Variants in SKIC3 observed in about 807,000 individuals in gnomAD.
SKIC3 encodes the protein superkiller complex protein 3.
At chr5:95,512,602 C>T in the SKIC3 span, 4 of 1,613,944 alleles carry the variant, frequency 2.5e-6, no homozygotes, top group East Asian at 2.2e-5. Flanking sequence ...ATACGCATAA[C>T]CTAATGCTCC....
At chr5:95,495,587 C>A in the SKIC3 span, 1 of 152,986 alleles carries the variant, frequency 6.5e-6, no homozygotes, top group African/African-American at 2.4e-5. Context: ...ATAGCTGACA[C>A]ATAATAAAGC....
chr5:95,527,964 G>C, the SKIC3 span: 5 of 1,608,784 alleles, frequency 3.1e-6, no homozygotes. Context: ...TTGTTGCCTG[G>C]TTGATTGGAA....
chr5:95,513,147 G>T, the SKIC3 span: 2 of 185,084 alleles, frequency 1.1e-5, no homozygotes, highest in African/African-American at 4.8e-5. Flanking sequence ...CTGTTTCTAA[G>T]AAAGAATAAA....
chr5:95,464,716 T>C, the SKIC3 span: 1 of 1,557,546 alleles, frequency 6.4e-7, no homozygotes. Flanking sequence ...GTCAGTATTT[T>C]GTTTATTAAC....
At chr5:95,511,291 C>T in the SKIC3 span, among the ~76,000 whole-genome samples, 6 of 152,150 alleles carry the variant, frequency 3.9e-5, no homozygotes, top group African/African-American at 9.7e-5. Context: ...ACACCTGTAA[C>T]GCCTACCTGC....
the SKIC3 span, among the ~76,000 whole-genome samples, chr5:95,500,717 T>C: frequency 6.6e-6 from 1 of 152,180 alleles, no homozygotes; most frequent in Non-Finnish European, 1.5e-5. Context: ...ATATCTGATG[T>C]TTTGTAGATG....
the SKIC3 span, chr5:95,464,332 A>G: frequency 2.6e-6 from 1 of 388,670 alleles, no homozygotes; most frequent in Middle Eastern, 8.1e-4. Context: ...AGATGCAGAA[A>G]ATAATGGTTT....
the SKIC3 span, among the ~76,000 whole-genome samples, chr5:95,481,793 G>A: frequency 5.5e-3 from 840 of 151,798 alleles, 10 homozygotes; most frequent in African/African-American, 0.019. Context: ...TCTAAAGCAG[G>A]GATATAAAAA....
At chr5:95,467,798 A>G in the SKIC3 span, 1 of 1,594,058 alleles carries the variant, frequency 6.3e-7, no homozygotes, top group Admixed American at 1.7e-5. Flanking sequence ...TAAAACCCTT[A>G]GATCAAAGAT....
chr5:95,514,802 G>T, the SKIC3 span: 1 of 1,565,794 alleles, frequency 6.4e-7, no homozygotes, highest in African/African-American at 1.4e-5. Context: ...ATGCATATTA[G>T]TCAGTTATTG....
chr5:95,532,914 A>C, the SKIC3 span, among the ~76,000 whole-genome samples: 1,233 of 152,192 alleles, frequency 8.1e-3, 15 homozygotes, highest in African/African-American at 0.029. Context: ...CTGACATCCC[A>C]AAAAAAGCTG....
the SKIC3 span, chr5:95,537,068 C>T: frequency 6.2e-7 from 1 of 1,613,498 alleles, no homozygotes; most frequent in Non-Finnish European, 8.5e-7. Context: ...AATGAAATGC[C>T]TATAAAGTAC....
At chr5:95,523,301 G>A in the SKIC3 span, 1 of 1,613,422 alleles carries the variant, frequency 6.2e-7, no homozygotes, top group Non-Finnish European at 8.5e-7. Flanking sequence ...TTGAGTTACT[G>A]TTGTTAGGAT....
the SKIC3 span, chr5:95,540,767 G>A: frequency 1.9e-6 from 3 of 1,614,012 alleles, no homozygotes; most frequent in Admixed American, 3.3e-5. Flanking sequence ...AGTTGATGAA[G>A]CTCTTCATTT....
At chr5:95,471,061 G>A in the SKIC3 span, among the ~76,000 whole-genome samples, 214 of 152,206 alleles carry the variant, frequency 1.4e-3, 1 homozygote, top group Admixed American at 2.4e-3. Flanking sequence ...TCTGAGTGCA[G>A]TATAGGCAAT....
At chr5:95,547,026 A>G in the SKIC3 span, 2 of 1,578,282 alleles carry the variant, frequency 1.3e-6, no homozygotes, top group Non-Finnish European at 1.7e-6. Context: ...AATGGGTAAC[A>G]TACTTTCATT....
At chr5:95,489,093 G>C in the SKIC3 span, among the ~76,000 whole-genome samples, 1 of 152,240 alleles carries the variant, frequency 6.6e-6, no homozygotes, top group Middle Eastern at 3.4e-3. Flanking sequence ...AAAACAGGAG[G>C]ACTGCTTGAG....
chr5:95,514,647 A>G, the SKIC3 span, among the ~76,000 whole-genome samples: 2 of 152,174 alleles, frequency 1.3e-5, no homozygotes, highest in Admixed American at 6.5e-5. Context: ...TATTTCCACA[A>G]CTATAAAGAG....
At chr5:95,474,398 A>G in the SKIC3 span, among the ~76,000 whole-genome samples, 1 of 152,190 alleles carries the variant, frequency 6.6e-6, no homozygotes, top group African/African-American at 2.4e-5. Context: ...TCAAAACAAG[A>G]AAATAAAGAA....
Sources: gnomAD v4.1 joint callset for allele counts (sites outside exome capture counted in the v4.1 genomes callset) on GRCh38, gnomAD v4.1.1 for gene constraint, MANE v1.5 for transcripts, NCBI Gene and HGNC (gene_info 2026-07-23, HGNC 2026-07-21) for gene names.